The following EIF2S1 variants were observed in gnomAD, a reference collection of about 807,000 sequenced individuals.
The protein encoded by EIF2S1 is eukaryotic translation initiation factor 2 subunit 1.
In EIF2S1, 5 loss-of-function variants were observed where a neutral mutation model predicts 33.5. The ratio of observed to expected loss-of-function variants is 0.15; its 90% confidence interval spans 0.08 to 0.31. EIF2S1 has a LOEUF of 0.31. Ranked by LOEUF, EIF2S1 falls within the 10% of genes least tolerant of loss-of-function variation. The pLI is 1.00. For missense variants in EIF2S1, 191 were observed against 384.6 expected, an observed-to-expected ratio of 0.50 and a Z score of 4.21; for synonymous variants, 99 against 127.5, an observed-to-expected ratio of 0.78 and a Z score of 1.51.
chr14:67,365,931 A>G (rs758350422), intron 2 of EIF2S1, among the ~76,000 whole-genome samples: 7 of 152,182 alleles, frequency 4.6e-5, no homozygotes, highest in Non-Finnish European at 8.8e-5. Context: ...AGTGACTGCT[A>G]CTTAGCACAT....
Position 67,383,402 on chromosome 14 carries a change from G to T in EIF2S1, c.910G>T (p.Asp304Tyr). ...ERENAEVDGD[D>Y]DAEEMEAKAE... is the part of the protein sequence containing the mutation. ...AGAAAATGCCGAAGTGGATGGAGAT[G>T]ATGATGCAGAAGAAATGGAAGCCAA... Residue 304 changes from aspartate to tyrosine, a missense_variant, in exon 8 of 8, where the codon GAT becomes TAT. Asp to Tyr is a radical substitution (Grantham distance 160). Transcript: ENST00000256383. 1 of 1,613,678 alleles carries T rather than the reference G, an allele frequency of 6.2e-7. No homozygotes were observed. Among genetic ancestry groups the T allele is most frequent in the Non-Finnish European group, 8.5e-7 (1 of 1,179,706 alleles).
chr14:67,374,572 A>C, intron 3 of EIF2S1, 25 bp downstream of exon 3: 2 of 1,472,118 alleles, frequency 1.4e-6, no homozygotes, highest in Non-Finnish European at 1.9e-6. Context: ...GAGTCAAATT[A>C]GTCCACTATC....
chr14:67,383,543 A>G lies in EIF2S1; in HGVS notation c.*103A>G. The G allele has an allele frequency of 6.8e-7, 1 of 1,479,670 alleles. No individual in the cohort carries two copies. The highest frequency in any genetic ancestry group is 1.2e-5 in the South Asian group (1 of 83,152). The allele number at this position is 1,479,670 out of a possible 1,614,324, so 91.7% of individuals were successfully genotyped here. A position where few individuals can be genotyped will look rare whatever the true frequency, so the allele number is the denominator to read the frequency against. ...CCAGTATTGAAAACTTCAAAGCTGA[A>G]TATTTTTTATTTCTAAGTATTTAAA... On this transcript the variant is annotated 3_prime_UTR_variant, in exon 8 of 8. Transcript: ENST00000256383.
intron 5 of EIF2S1, 76 bp from the exon 6 acceptor site, chr14:67,381,517 C>A: frequency 9.0e-7 from 1 of 1,107,608 alleles, no homozygotes; most frequent in Non-Finnish European, 1.4e-6. Flanking sequence ...AATATATCTG[C>A]CACGTGTTTG....
rs1385241991 is a variant in EIF2S1 at position 67,385,653 on chromosome 14, T to TG, written c.*2213_*2214insG. The TG allele has an allele frequency of 6.7e-6, 1 of 149,924 alleles. No individual in the cohort carries two copies. Among genetic ancestry groups the TG allele is most frequent in the Non-Finnish European group, 1.5e-5 (1 of 67,630 alleles). The allele number at this position is 149,924 out of a possible 1,614,324, so 9.3% of individuals were successfully genotyped here. On this transcript the variant is annotated 3_prime_UTR_variant, in exon 8 of 8. Transcript: ENST00000256383. ...AAGAAATATGAATATTCAAACCACT[T>TG]TTTTCTTTTTTTTTTTTTTTTTTTG... is the stretch of plus-strand genomic sequence containing the variant.
intron 4 of EIF2S1, among the ~76,000 whole-genome samples, chr14:67,380,166 G>C (rs1303369883): frequency 6.6e-6 from 1 of 152,150 alleles, no homozygotes; most frequent in East Asian, 1.9e-4. Context: ...CAACAAACAT[G>C]CCAGTTAATA....
chr14:67,361,249 GTA>G (rs1179072710), intron 1 of EIF2S1, among the ~76,000 whole-genome samples: 1 of 152,178 alleles, frequency 6.6e-6, no homozygotes, highest in African/African-American at 2.4e-5. Flanking sequence ...TCGAGAAAAA[GTA>G]TAGCAGAGAA....
intron 4 of EIF2S1, 92 bp downstream of exon 4, chr14:67,376,682 C>T (rs983569087): frequency 7.3e-7 from 1 of 1,366,140 alleles, no homozygotes; most frequent in African/African-American, 1.4e-5. Flanking sequence ...AAAATACTTG[C>T]CAAATTTAGA....
rs1566618125 is a variant in EIF2S1, at chr14:67,382,512, T to C, written c.744T>C (p.Leu248=). 1 of 1,613,896 alleles carries C rather than the reference T, an allele frequency of 6.2e-7. No individual in the cohort carries two copies. Among genetic ancestry groups the C allele is most frequent in the Non-Finnish European group, 8.5e-7 (1 of 1,179,838 alleles). The change falls in exon 7 of 8, where the codon CTT becomes CTC. Residue 248 remains leucine, a synonymous_variant. Transcript: ENST00000256383. ...CAACCCTGGAGAGAACAGAAGGCCT[T>C]TCTGTCCTCAGTCAAGCTATGGCTG... ...TTTTLERTEG[L]SVLSQAMAVI... is the part of the protein sequence containing the mutation.
intron 3 of EIF2S1, among the ~76,000 whole-genome samples, chr14:67,375,232 CTGTGTGTGTGTGTGTGTGTGTGTG>C (rs3067321): frequency 0.013 from 1,812 of 137,670 alleles, 17 homozygotes; most frequent in Middle Eastern, 0.022. Context: ...ATCCTCAGTT[CTGTGTGTGTGTGTGTGTGTGTGTG>C]TGTGTGTGTG....
intron 4 of EIF2S1, 73 bp from the exon 5 acceptor site, chr14:67,380,586 C>G (rs2085882803): frequency 1.4e-6 from 1 of 739,714 alleles, no homozygotes; most frequent in Non-Finnish European, 2.1e-6. Context: ...ATGCATTGTT[C>G]CATAGTGTTT....
At chr14:67,363,092 C>G (rs531380603) in intron 1 of EIF2S1, among the ~76,000 whole-genome samples, 2 of 152,196 alleles carry the variant, frequency 1.3e-5, no homozygotes, top group East Asian at 3.9e-4. Context: ...GGTCAAATGT[C>G]TTGCAACTGT....
At chr14:67,365,468 G>A (rs1566609665) in intron 2 of EIF2S1, among the ~76,000 whole-genome samples, 2 of 152,194 alleles carry the variant, frequency 1.3e-5, no homozygotes, top group African/African-American at 4.8e-5. Flanking sequence ...TATACTATGC[G>A]TGTATATACA....
rs770107358 is a variant in EIF2S1 at position 67,384,582 on chromosome 14, C to G, written c.*1142C>G. 4 of 152,132 alleles carry G rather than the reference C, an allele frequency of 2.6e-5. No homozygotes were observed. The highest frequency in any genetic ancestry group is 4.8e-5 in the African/African-American group (2 of 41,420). 9.4% of individuals were successfully genotyped at this position (152,132 alleles called of 1,614,324 possible). Reference sequence around the variant, plus strand: ...AATTTTATTCATTATCCCTAGATAGCTATTAAGATACTTAGATTAGACCTA... The same window carrying G: ...AATTTTATTCATTATCCCTAGATAGGTATTAAGATACTTAGATTAGACCTA... On this transcript the variant is annotated 3_prime_UTR_variant, in exon 8 of 8. Transcript: ENST00000256383.
At position 67,385,112 on chromosome 14, in the gene EIF2S1, C is replaced by T. The variant is rs1270309793; in HGVS notation, c.*1672C>T. ...GTTCCATGGCAATTTTGTAAATTGA[C>T]CCTAGCCAGAGAATAGATCAGTATT... On this transcript the variant is annotated 3_prime_UTR_variant, in exon 8 of 8. Transcript: ENST00000256383. 2.0e-5 allele frequency: 3 copies of T among 152,012 alleles called. No individual in the cohort carries two copies. The highest frequency in any genetic ancestry group is 6.6e-5 in the Admixed American group (1 of 15,262). The allele number at this position is 152,012 out of a possible 1,614,324, so 9.4% of individuals were successfully genotyped here.
At chr14:67,367,565 G>A (rs1298027778) in intron 2 of EIF2S1, among the ~76,000 whole-genome samples, 1 of 152,224 alleles carries the variant, frequency 6.6e-6, no homozygotes, top group Non-Finnish European at 1.5e-5. Context: ...TTCTACACTT[G>A]GTCAGCATTC....
rs1396694280 is a variant in EIF2S1 at position 67,380,643 on chromosome 14, TTA to T, written c.474-14_474-13del. The T allele has an allele frequency of 7.1e-7, 1 of 1,400,846 alleles. No individual in the cohort carries two copies. The highest frequency in any genetic ancestry group is 1.5e-5 in the African/African-American group (1 of 67,462). 86.8% of individuals were successfully genotyped at this position (1,400,846 alleles called of 1,614,324 possible). A position where few individuals can be genotyped will look rare whatever the true frequency, so the allele number is the denominator to read the frequency against. ...ATAACCTTGACCTTTTGTTATTTAT[TTA>T]TGTTTTTGACCAGAGACCCATCTAT... On this transcript the variant is annotated splice_polypyrimidine_tract_variant and intron_variant, in intron 4 of 7. Transcript: ENST00000256383.
Position 67,365,020 on chromosome 14 carries a change from A to C in EIF2S1, c.241+12A>C, listed in dbSNP as rs781699987. The C allele has an allele frequency of 7.0e-6, 11 of 1,572,002 alleles. No homozygotes were observed. The South Asian group carries it at 1.2e-4, about 17-fold the overall frequency. On this transcript the variant is annotated intron_variant, in intron 2 of 7. Transcript: ENST00000256383. ...GGACAAAGAAAAAGGTAAGTGAGAAAAATATCTGTAATATAAATTTCAGAT... is the reference window on the plus strand; with the variant it reads ...GGACAAAGAAAAAGGTAAGTGAGAACAATATCTGTAATATAAATTTCAGAT...
intron 2 of EIF2S1, 93 bp from the exon 3 acceptor site, chr14:67,374,375 G>T (rs2085845472): frequency 1.7e-6 from 1 of 603,284 alleles, no homozygotes; most frequent in Non-Finnish European, 2.8e-6. Flanking sequence ...TTATAAGTAT[G>T]CCAATCAAAC....
Sources: allele counts gnomAD v4.1 joint callset (sites outside exome capture counted in the v4.1 genomes callset), GRCh38; gene constraint gnomAD v4.1.1; transcripts MANE v1.5; gene names NCBI Gene and HGNC (gene_info 2026-07-23, HGNC 2026-07-21).